Variants in XKR3 observed in about 807,000 individuals in gnomAD.
XKR3 encodes XK-related protein 3.
A neutral mutation model predicts 40.3 loss-of-function variants in XKR3; 27 were observed. The observed-to-expected ratio is 0.67, with a 90% confidence interval of 0.49 to 0.92. XKR3 has a LOEUF of 0.92. Among genes scored for constraint, XKR3 ranks in the 40% least tolerant of loss-of-function variants. The pLI is 0.00. For missense variants in XKR3, 472 were observed against 537.6 expected (o/e 0.88, Z 1.21); for synonymous variants, 193 against 195.4 (o/e 0.99, Z 0.10).
chr22:16,818,732 C>CATTCCA (rs1569044545), intron 1 of XKR3, among the ~76,000 whole-genome samples: 1 of 152,092 alleles, frequency 6.6e-6, no homozygotes, highest in Non-Finnish European at 1.5e-5. Context: ...CAGAGGACAG[C>CATTCCA]ATTCCAATTC....
intron 3 of XKR3, among the ~76,000 whole-genome samples, chr22:16,791,672 G>A (rs1458575355): frequency 3.4e-5 from 5 of 145,450 alleles, no homozygotes; most frequent in South Asian, 2.2e-4. Flanking sequence ...GTAACCTGTC[G>A]ATGTAAAAAA....
chr22:16,800,210 T>C (rs1319831900), intron 2 of XKR3, among the ~76,000 whole-genome samples, 186 bp from the exon 3 acceptor site: 1 of 151,820 alleles, frequency 6.6e-6, no homozygotes, highest in Non-Finnish European at 1.5e-5. Flanking sequence ...TTTATGGTAG[T>C]TCTTCCCCTC....
At chr22:16,813,871 A>G (rs994665681) in intron 1 of XKR3, among the ~76,000 whole-genome samples, 2 of 152,162 alleles carry the variant, frequency 1.3e-5, no homozygotes, top group Middle Eastern at 3.2e-3. Context: ...TCTATTCAAT[A>G]TATCTCACTG....
rs1393379644 is a variant in XKR3 at position 16,789,516 on chromosome 22, A to G, written c.590-5107T>C. Among the ~76,000 whole-genome samples the G allele has an allele frequency of 1.1e-3, 175 of 152,344 alleles. 1 individual carries two copies. The highest frequency in any genetic ancestry group is 2.1e-3 in the Non-Finnish European group (140 of 68,038). On this transcript the variant is annotated intron_variant, in intron 3 of 3. Transcript: ENST00000684488. ...TGAAAATTATGAAGTATTAATAAAA[A>G]ATTAAAATAACATAAATCAATGGAA...
chr22:16,790,213 A>T (rs1475062261), intron 3 of XKR3, among the ~76,000 whole-genome samples: 1 of 151,228 alleles, frequency 6.6e-6, no homozygotes, highest in Admixed American at 6.6e-5. Context: ...AATAAAACAC[A>T]GGGCAAACTT....
At chr22:16,804,897 C>T (rs975198709) in intron 2 of XKR3, among the ~76,000 whole-genome samples, 2 of 152,168 alleles carry the variant, frequency 1.3e-5, no homozygotes, top group African/African-American at 4.8e-5. Context: ...TCAGGACTTC[C>T]TGGGAACAGT....
At chr22:16,807,325 A>C (rs1391539790) in intron 2 of XKR3, among the ~76,000 whole-genome samples, 1 of 152,206 alleles carries the variant, frequency 6.6e-6, no homozygotes, top group Non-Finnish European at 1.5e-5. Flanking sequence ...CTAAAAAGTT[A>C]AATTCGCTTC....
chr22:16,806,307 C>T (rs1424359237), intron 2 of XKR3, among the ~76,000 whole-genome samples: 1 of 34,038 alleles, frequency 2.9e-5, no homozygotes, highest in Admixed American at 2.3e-4. Flanking sequence ...TCTTATTTAG[C>T]TCGTGAAAAA....
intron 3 of XKR3, among the ~76,000 whole-genome samples, chr22:16,789,132 A>G (rs2060103486): frequency 6.6e-6 from 1 of 152,198 alleles, no homozygotes; most frequent in South Asian, 2.1e-4. Context: ...GTTCACTTTA[A>G]CTGCTTATAT....
intron 2 of XKR3, among the ~76,000 whole-genome samples, chr22:16,800,593 A>C (rs1225730715): frequency 2.6e-5 from 4 of 152,334 alleles, no homozygotes; most frequent in African/African-American, 9.6e-5. Context: ...AGTCTAAAAA[A>C]ACTCAATGAA....
intron 1 of XKR3, among the ~76,000 whole-genome samples, chr22:16,814,131 C>T (rs1367898300): frequency 2.0e-5 from 3 of 152,126 alleles, no homozygotes; most frequent in Admixed American, 6.5e-5. Flanking sequence ...CAAAGATTAA[C>T]GTCTACCTTT....
At chr22:16,797,602 C>A (rs368910783) in intron 3 of XKR3, among the ~76,000 whole-genome samples, 1 of 151,596 alleles carries the variant, frequency 6.6e-6, no homozygotes, top group South Asian at 2.1e-4. Context: ...ACCATCCTGG[C>A]TAACATGGTG....
intron 3 of XKR3, among the ~76,000 whole-genome samples, chr22:16,791,885 C>A (rs1428439130): frequency 6.7e-6 from 1 of 149,584 alleles, no homozygotes; most frequent in African/African-American, 2.5e-5. Flanking sequence ...AATTGTATTA[C>A]ACTGACCACT....
chr22:16,821,541 G>C (rs547863668), intron 1 of XKR3: 1 of 151,470 alleles, frequency 6.6e-6, no homozygotes, highest in East Asian at 1.9e-4. Flanking sequence ...TTTTTCATTT[G>C]TTGAACAGTA....
chr22:16,794,977 G>C (rs1334568978), intron 3 of XKR3, among the ~76,000 whole-genome samples: 1 of 152,094 alleles, frequency 6.6e-6, no homozygotes, highest in Non-Finnish European at 1.5e-5. Context: ...TACAAAAATG[G>C]AGCACCGATT....
At chr22:16,788,737 C>T (rs1198144940) in intron 3 of XKR3, among the ~76,000 whole-genome samples, 1 of 151,974 alleles carries the variant, frequency 6.6e-6, no homozygotes. Flanking sequence ...TGTAAAAATC[C>T]TCAACAGAAT....
chr22:16,784,214 A>G lies in XKR3; in HGVS notation c.785T>C (p.Leu262Pro), dbSNP rs2146135596. The G allele has an allele frequency of 6.2e-7, 1 of 1,614,166 alleles. No individual in the cohort carries two copies. Among genetic ancestry groups the G allele is most frequent in the African/African-American group, 1.3e-5 (1 of 75,058 alleles). The change falls in exon 4 of 4, where the codon CTG (leucine) becomes CCG (proline). Residue 262 changes from leucine (L) to proline (P), a missense_variant. Coordinates refer to ENST00000684488, the MANE Select transcript of XKR3 (RefSeq NM_001386955.1). The stretch of plus-strand genomic sequence containing the variant: ...GATTAACAAAACGGGTAGGCTCTTC[A>G]GTTTCAGAGATGCAATGAAAAATGC... ...TLAFFIASLK[L>P]KSLPVLLIIY...
Position 16,808,084 on chromosome 22 carries a change from C to A in XKR3, c.-10-1G>T. On this transcript the variant is annotated splice_acceptor_variant, in intron 1 of 3. Transcript: ENST00000684488. LOFTEE classifies it low-confidence loss of function (5UTR_SPLICE). ...AAACACTGTCTCCATTCTCAGGGTG[C>A]TGCTAATTCAAAGTCGTCTTGTCAG... The A allele has an allele frequency of 6.3e-7, 1 of 1,575,356 alleles. No homozygotes were observed. Among genetic ancestry groups the A allele is most frequent in the Non-Finnish European group, 8.6e-7 (1 of 1,163,480 alleles).
intron 2 of XKR3, among the ~76,000 whole-genome samples, chr22:16,804,617 ACTTCAAAAGAAC>A (rs777380619): frequency 4.8e-4 from 73 of 152,276 alleles, no homozygotes; most frequent in Admixed American, 3.0e-3. Flanking sequence ...ACATTATAAG[ACTTCAAAAGAAC>A]CTTGGTCTCC....
Sources: gnomAD v4.1 joint callset for allele counts (sites outside exome capture counted in the v4.1 genomes callset) on GRCh38, gnomAD v4.1.1 for gene constraint, MANE v1.5 for transcripts, NCBI Gene and HGNC (gene_info 2026-07-23, HGNC 2026-07-21) for gene names.